CFHR4: variants seen among roughly 807,000 people sequenced by gnomAD.
CFHR4 encodes complement factor H-related protein 4.
CFHR4 carries 64 observed loss-of-function variants against 69.3 expected under a neutral mutation model. The observed-to-expected ratio is 0.92, with a 90% confidence interval of 0.76 to 1.14. CFHR4 has a LOEUF of 1.14. Among genes scored for constraint, CFHR4 ranks in the 50% most tolerant of loss-of-function variants. CFHR4 has a pLI of 0.00. For missense variants in CFHR4, 636 were observed against 684.9 expected (o/e 0.93, Z 0.80); for synonymous variants, 244 against 237.0 (o/e 1.03, Z -0.27).
intron 2 of CFHR4, among the ~76,000 whole-genome samples, chr1:196,904,532 T>C (rs1290001634): frequency 6.6e-6 from 1 of 151,482 alleles, no homozygotes; most frequent in Admixed American, 6.6e-5. Context: ...ATAAAGAACA[T>C]ATACATTACT....
intron 1 of CFHR4, among the ~76,000 whole-genome samples, chr1:196,891,761 T>C (rs1239970083): frequency 6.6e-6 from 1 of 151,424 alleles, no homozygotes; most frequent in Non-Finnish European, 1.5e-5. Context: ...GCTATTTAAA[T>C]TGTGGTAGTG....
In CFHR4 at chr1:196,906,884, G is replaced by A. The variant is rs1258268925; in HGVS notation, c.463G>A (p.Glu155Lys). Residue 155 changes from glutamate to lysine, a missense_variant, in exon 4 of 10, where the codon GAG becomes AAG. Physicochemically the swap from Glu to Lys is moderately conservative, Grantham distance 56. Transcript: ENST00000608469. ...CIKFCDMPVF[E>K]NSRAKSNGMW... ...AGAATTTTGTGATATGCCTGTTTTT[G>A]AGAATTCCAGAGCCAAGAGTAATGG... The A allele has an allele frequency of 6.3e-7, 1 of 1,597,994 alleles. No individual in the cohort carries two copies. Among genetic ancestry groups the A allele is most frequent in the African/African-American group, 1.4e-5 (1 of 73,412 alleles).
In CFHR4 at chr1:196,918,358, T is replaced by G. The variant is rs1658781119; in HGVS notation, c.1689T>G (p.Phe563Leu). The change falls in exon 10 of 10, where the codon TTT becomes TTG. Residue 563 changes from phenylalanine to leucine, a missense_variant. By Grantham distance (22) the Phe-to-Leu change is conservative (BLOSUM62 0). Around this residue, in one of 3 missense-constraint regions of CFHR4, gnomAD observed 85 missense variants for 79.0 expected, o/e 1.08. Coordinates refer to ENST00000608469, the MANE Select transcript of CFHR4 (RefSeq NM_001201550.3). ...ATGCGAATACATCAGTTCTATCATT[T>G]CAAGCAGTGTGTAGGGAAGGCATAG... The part of the protein sequence containing the change: ...GYNANTSVLS[F>L]QAVCREGIVE... 6.2e-7 allele frequency: 1 copy of G among 1,612,360 alleles called. No individual in the cohort carries two copies. Among genetic ancestry groups the G allele is most frequent in the African/African-American group, 1.3e-5 (1 of 74,532 alleles).
intron 2 of CFHR4, among the ~76,000 whole-genome samples, chr1:196,903,668 C>A (rs1476191446): frequency 2.0e-5 from 3 of 150,116 alleles, no homozygotes; most frequent in African/African-American, 7.5e-5. Context: ...AAGAAAAAAA[C>A]ACATATATAT....
chr1:196,890,110 A>G (rs1396154308), intron 1 of CFHR4, among the ~76,000 whole-genome samples: 4 of 151,400 alleles, frequency 2.6e-5, no homozygotes, highest in Non-Finnish European at 5.9e-5. Flanking sequence ...ATAATTTTTT[A>G]CTCTTTACTC....
At chr1:196,898,987 C>T (rs1657453128) in intron 1 of CFHR4, among the ~76,000 whole-genome samples, 1 of 151,634 alleles carries the variant, frequency 6.6e-6, no homozygotes, top group Admixed American at 6.6e-5. Flanking sequence ...ATCACCTAGT[C>T]ACACACTCTC....
intron 1 of CFHR4, among the ~76,000 whole-genome samples, chr1:196,902,095 A>T (rs1657646707): frequency 6.6e-6 from 1 of 151,554 alleles, no homozygotes. Flanking sequence ...ATGGGATGGA[A>T]CAGAAAGAAA....
At chr1:196,912,551 A>G (rs747593166) in intron 6 of CFHR4, among the ~76,000 whole-genome samples, 189 bp from the exon 7 acceptor site, 10 of 151,366 alleles carry the variant, frequency 6.6e-5, no homozygotes, top group Non-Finnish European at 1.0e-4. Context: ...CTGTGTCTTC[A>G]ACATTTCCTT....
chr1:196,912,488 G>A (rs544067548), intron 6 of CFHR4, among the ~76,000 whole-genome samples: 3 of 151,156 alleles, frequency 2.0e-5, no homozygotes, highest in Admixed American at 6.6e-5. Flanking sequence ...CTTAAGGCCC[G>A]CCAGAGCTCT....
chr1:196,903,023 A>G (rs1254977057), intron 2 of CFHR4, among the ~76,000 whole-genome samples: 1 of 151,398 alleles, frequency 6.6e-6, no homozygotes, highest in Non-Finnish European at 1.5e-5. Flanking sequence ...TTTACCTTTA[A>G]ATCATTTTAT....
intron 1 of CFHR4, among the ~76,000 whole-genome samples, chr1:196,892,219 T>C (rs557035917): frequency 2.6e-5 from 4 of 151,516 alleles, no homozygotes; most frequent in African/African-American, 7.3e-5. Flanking sequence ...GTTAGCTGAT[T>C]TGGGAGCCAC....
In CFHR4 at chr1:196,895,076, GA is replaced by G. The variant is rs527460138; in HGVS notation, c.58+6874del. Among the ~76,000 whole-genome samples, 781 of 151,088 alleles carry G rather than the reference GA, an allele frequency of 5.2e-3. 10 individuals are homozygous for G. Among genetic ancestry groups the G allele is most frequent in the Non-Finnish European group, 7.5e-3 (508 of 67,822 alleles). Reference sequence around the variant, plus strand: ...CCCTGTCAAAAAAAATTATATTAAAGAAAAAAGTTAGCCTGATATAGTAGAG... The same window carrying G: ...CCCTGTCAAAAAAAATTATATTAAAGAAAAAGTTAGCCTGATATAGTAGAG... On this transcript the variant is annotated intron_variant, in intron 1 of 9. Coordinates refer to ENST00000608469, the MANE Select transcript of CFHR4 (RefSeq NM_001201550.3).
At chr1:196,903,361 A>G (rs1050204141) in intron 2 of CFHR4, among the ~76,000 whole-genome samples, 3 of 151,308 alleles carry the variant, frequency 2.0e-5, no homozygotes, top group Admixed American at 6.6e-5. Flanking sequence ...CAATAGAAAT[A>G]TAAGTCAGGG....
At chr1:196,909,842 A>C (rs1217068153) in intron 5 of CFHR4, among the ~76,000 whole-genome samples, 1 of 151,008 alleles carries the variant, frequency 6.6e-6, no homozygotes, top group African/African-American at 2.4e-5. Context: ...ATAATTATAA[A>C]ATTTAAAAAA....
intron 3 of CFHR4, among the ~76,000 whole-genome samples, chr1:196,906,388 T>C (rs910734877): frequency 6.6e-6 from 1 of 151,508 alleles, no homozygotes; most frequent in Non-Finnish European, 1.5e-5. Flanking sequence ...ATAAATGATC[T>C]AAGATTTGTA....
intron 1 of CFHR4, among the ~76,000 whole-genome samples, chr1:196,893,382 T>C (rs946322224): frequency 6.6e-6 from 1 of 151,500 alleles, no homozygotes; most frequent in African/African-American, 2.4e-5. Context: ...AAGGGTGACC[T>C]TTACAGATAT....
chr1:196,911,353 A>G (rs1265607592), intron 6 of CFHR4, among the ~76,000 whole-genome samples: 1 of 151,496 alleles, frequency 6.6e-6, no homozygotes, highest in Non-Finnish European at 1.5e-5. Flanking sequence ...TTAAAGTAAC[A>G]TTGCTTCAGT....
intron 9 of CFHR4, 99 bp from the exon 10 acceptor site, chr1:196,918,111 T>C (rs1156754592): frequency 1.3e-4 from 157 of 1,236,588 alleles, no homozygotes; most frequent in Non-Finnish European, 1.7e-4. Flanking sequence ...TGGATTATTT[T>C]ATAATTTTAT....
intron 9 of CFHR4, among the ~76,000 whole-genome samples, chr1:196,915,462 C>T (rs965676771): frequency 6.7e-6 from 1 of 150,216 alleles, no homozygotes; most frequent in Non-Finnish European, 1.5e-5. Context: ...ATGGTGAACC[C>T]TGTCTCTACA....
Sources: gnomAD v4.1 joint callset for allele counts (sites outside exome capture counted in the v4.1 genomes callset) on GRCh38, gnomAD v4.1.1 for gene constraint, gnomAD v4.1.1 regional missense constraint, MANE v1.5 for transcripts, NCBI Gene and HGNC (gene_info 2026-07-23, HGNC 2026-07-21) for gene names.